METTL21A: variants seen among roughly 807,000 people sequenced by gnomAD.
METTL21A encodes protein N-lysine methyltransferase METTL21A.
Under a neutral mutation model 20.9 loss-of-function variants are expected in METTL21A, and 22 were observed. The observed-to-expected ratio is 1.05, with a 90% confidence interval of 0.75 to 1.50. The LOEUF is 1.50. Ranked by LOEUF, METTL21A falls within the 40% of genes most tolerant of loss-of-function variation. METTL21A has a pLI of 0.00. For synonymous variants in METTL21A, 93 were observed against 102.0 expected (o/e 0.91, Z 0.53); for missense variants, 271 against 266.8 (o/e 1.02, Z -0.11).
intron 3 of METTL21A, among the ~76,000 whole-genome samples, chr2:207,585,037 A>T (rs1175897675): frequency 6.6e-6 from 1 of 151,728 alleles, no homozygotes; most frequent in East Asian, 1.9e-4. Flanking sequence ...GGACAGGCCC[A>T]TTGGTGTCCA....
rs75055081 is a variant in METTL21A, at chr2:207,621,307, T to C, written c.259+499A>G. Reference sequence around the variant, plus strand: ...TATACTGTTCATACAATTTTAAAAATAAGAAGTCAGTACAAACTATAGTGG... The same window carrying C: ...TATACTGTTCATACAATTTTAAAAACAAGAAGTCAGTACAAACTATAGTGG... On this transcript the variant is annotated intron_variant, in intron 3 of 3. Transcript: ENST00000406927. Among the ~76,000 whole-genome samples the C allele has an allele frequency of 2.0e-4, 30 of 152,284 alleles. No homozygotes were observed. The East Asian group carries it at 5.6e-3, about 28-fold the overall frequency.
chr2:207,620,261 T>C (rs550013426), intron 3 of METTL21A, among the ~76,000 whole-genome samples: 7 of 152,118 alleles, frequency 4.6e-5, no homozygotes, highest in Non-Finnish European at 7.4e-5. Context: ...CTGGCCAACA[T>C]GGTAAAACCC....
chr2:207,596,903 T>C, intron 3 of METTL21A: 1 of 1,597,844 alleles, frequency 6.3e-7, no homozygotes, highest in Non-Finnish European at 8.5e-7. Context: ...CCCGTCCTCT[T>C]TTGCTTGTAG....
chr2:207,588,325 C>CT (rs1559068851), intron 3 of METTL21A, among the ~76,000 whole-genome samples: 2 of 152,074 alleles, frequency 1.3e-5, no homozygotes, highest in South Asian at 2.1e-4. Context: ...TGCCCTTGCT[C>CT]TTTTTTTCAA....
At chr2:207,597,290 G>A in intron 3 of METTL21A, 1 of 431,352 alleles carries the variant, frequency 2.3e-6, no homozygotes, top group Non-Finnish European at 4.0e-6. Context: ...GAATCATGAA[G>A]AGACTTCTGC....
At chr2:207,624,616 A>ATC (rs1482095072) in intron 1 of METTL21A, 39 of 400,648 alleles carry the variant, frequency 9.7e-5, no homozygotes, top group Non-Finnish European at 1.4e-4. Flanking sequence ...TTTGGGGAAG[A>ATC]AGAAAAAAAA....
At chr2:207,603,492 T>C (rs1559098832) in intron 3 of METTL21A, 1 of 225,238 alleles carries the variant, frequency 4.4e-6, no homozygotes, top group Non-Finnish European at 8.8e-6. Flanking sequence ...TTGCTAGTAG[T>C]GTGAAGCCAT....
chr2:207,597,190 C>T, intron 3 of METTL21A: 2 of 943,898 alleles, frequency 2.1e-6, no homozygotes, highest in Non-Finnish European at 3.0e-6. Context: ...AAAGCAACTA[C>T]AGAATTTCAT....
At chr2:207,623,558 A>G (rs2090761791) in intron 2 of METTL21A, among the ~76,000 whole-genome samples, 1 of 152,252 alleles carries the variant, frequency 6.6e-6, no homozygotes, top group African/African-American at 2.4e-5. Context: ...TGTGAAATAA[A>G]GAGACTAACT....
chr2:207,615,184 T>C (rs965933710), intron 3 of METTL21A, among the ~76,000 whole-genome samples: 56 of 152,166 alleles, frequency 3.7e-4, no homozygotes, highest in Non-Finnish European at 4.4e-4. Context: ...AAATAAAAAT[T>C]GCAGACAGCC....
intron 2 of METTL21A, among the ~76,000 whole-genome samples, chr2:207,622,331 C>T (rs2090597189): frequency 6.6e-6 from 1 of 152,034 alleles, no homozygotes. Context: ...CCACACCCAG[C>T]TAATTTTTGT....
chr2:207,620,812 G>A (rs1469693542), intron 3 of METTL21A: 8 of 903,226 alleles, frequency 8.9e-6, no homozygotes, highest in Admixed American at 3.0e-5. Context: ...AAGAAATAGT[G>A]AAAAAGTATT....
intron 3 of METTL21A, among the ~76,000 whole-genome samples, chr2:207,596,183 G>GTGGA (rs1282315228): frequency 6.6e-6 from 1 of 152,150 alleles, no homozygotes; most frequent in Non-Finnish European, 1.5e-5. Flanking sequence ...TCTTTTGCAT[G>GTGGA]TGGATATCCA....
chr2:207,616,571 G>A (rs1354053699), intron 3 of METTL21A, among the ~76,000 whole-genome samples: 5 of 152,214 alleles, frequency 3.3e-5, no homozygotes, highest in Non-Finnish European at 7.3e-5. Flanking sequence ...CCGGCTGGGT[G>A]CGGTGACTCA....
rs111992031 is a variant in METTL21A, at chr2:207,601,215, A to G, written c.260-19055T>C. The G allele has an allele frequency of 2.2e-5, 4 of 185,574 alleles. 1 individual carries two copies. Among genetic ancestry groups the G allele is most frequent in the African/African-American group, 9.3e-5 (4 of 42,820 alleles). 11.5% of individuals were successfully genotyped at this position (185,574 alleles called of 1,614,324 possible). A position where few individuals can be genotyped will look rare whatever the true frequency, so the allele number is the denominator to read the frequency against. Reference sequence around the variant, plus strand: ...GAAAAGTTGTATATTTATTTGGATTATATTTACATTCTGTCCTTTGTAAAT... The same window carrying G: ...GAAAAGTTGTATATTTATTTGGATTGTATTTACATTCTGTCCTTTGTAAAT... On this transcript the variant is annotated intron_variant, in intron 3 of 3. Coordinates refer to the METTL21A transcript ENST00000425132.
intron 3 of METTL21A, chr2:207,598,076 T>C (rs2106636826): frequency 5.5e-6 from 1 of 180,882 alleles, no homozygotes; most frequent in African/African-American, 2.4e-5. Context: ...GTGATATATA[T>C]TTGTTTATGA....
exon 4 of METTL21A, chr2:207,613,326 C>T: frequency 1.2e-6 from 2 of 1,614,122 alleles, no homozygotes; most frequent in East Asian, 2.2e-5. Context: ...CAAATTTTGT[C>T]CCCAAGTCAG....
At chr2:207,608,834 G>A (rs1329797582), downstream of METTL21A, among the ~76,000 whole-genome samples, 3 of 152,222 alleles carry the variant, frequency 2.0e-5, no homozygotes, top group Non-Finnish European at 4.4e-5. Flanking sequence ...GGCTGAGCCA[G>A]GAGAATGGCG....
At chr2:207,591,024 G>A (rs2084933998) in intron 3 of METTL21A, among the ~76,000 whole-genome samples, 1 of 152,038 alleles carries the variant, frequency 6.6e-6, no homozygotes, top group African/African-American at 2.4e-5. Context: ...AATAATCGAG[G>A]ATCTTCCCAG....
Sources: allele counts gnomAD v4.1 joint callset (sites outside exome capture counted in the v4.1 genomes callset), GRCh38; gene constraint gnomAD v4.1.1; transcripts MANE v1.5; gene names NCBI Gene and HGNC (gene_info 2026-07-23, HGNC 2026-07-21).